GBE1: variants seen among roughly 807,000 people sequenced by gnomAD.
GBE1 encodes the protein 1,4-alpha-glucan-branching enzyme.
A neutral mutation model predicts 88.8 loss-of-function variants in GBE1; 70 were observed. That is an observed-to-expected ratio of 0.79 (90% CI 0.65 to 0.96). The LOEUF (loss-of-function observed/expected upper bound fraction) is 0.96, where lower values mean the gene tolerates loss of function less well. Among genes scored for constraint, GBE1 ranks in the 40% least tolerant of loss-of-function variants. The pLI is 0.00. For missense variants in GBE1, 872 were observed against 871.0 expected (o/e 1.00, Z -0.01); for synonymous variants, 284 against 300.1 (o/e 0.95, Z 0.56).
At chr3:81,518,889 ACTT>A (rs1257396448) in intron 14 of GBE1, among the ~76,000 whole-genome samples, 1 of 151,162 alleles carries the variant, frequency 6.6e-6, no homozygotes, top group Non-Finnish European at 1.5e-5. Context: ...ACTGTGTAGA[ACTT>A]CTGGAGAAAA....
chr3:81,643,072 C>T (rs1055013392), intron 6 of GBE1, 82 bp from the exon 7 acceptor site: 130 of 892,614 alleles, frequency 1.5e-4, no homozygotes, highest in South Asian at 1.0e-3. Flanking sequence ...GTTTCACCAT[C>T]GCAGTACTAG....
intron 11 of GBE1, among the ~76,000 whole-genome samples, chr3:81,579,653 T>C (rs1177426892): frequency 6.6e-6 from 1 of 152,042 alleles, no homozygotes; most frequent in East Asian, 1.9e-4. Flanking sequence ...GGTAAGAGTT[T>C]CCCCCTCCCC....
intron 1 of GBE1, among the ~76,000 whole-genome samples, chr3:81,719,319 C>T (rs1705986757): frequency 6.6e-6 from 1 of 151,988 alleles, no homozygotes; most frequent in Non-Finnish European, 1.5e-5. Flanking sequence ...CTAGCTCAAG[C>T]GATCCTCCCA....
At chr3:81,614,361 A>T (rs981846742) in intron 7 of GBE1, among the ~76,000 whole-genome samples, 1 of 152,194 alleles carries the variant, frequency 6.6e-6, no homozygotes, top group Non-Finnish European at 1.5e-5. Context: ...AAATGTTCTT[A>T]ATTGGCATTG....
chr3:81,551,192 A>T (rs998111766), intron 12 of GBE1, among the ~76,000 whole-genome samples: 1 of 152,200 alleles, frequency 6.6e-6, no homozygotes, highest in Admixed American at 6.5e-5. Flanking sequence ...AGAACTACTT[A>T]AGTGTATCTG....
chr3:81,549,080 G>T (rs1398644378), intron 12 of GBE1, among the ~76,000 whole-genome samples: 1 of 141,356 alleles, frequency 7.1e-6, no homozygotes, highest in African/African-American at 2.6e-5. Flanking sequence ...ACCTAGGCTA[G>T]AGTGCAGTGG....
At chr3:81,612,148 G>C (rs1704189759) in intron 7 of GBE1, 1 of 313,658 alleles carries the variant, frequency 3.2e-6, no homozygotes, top group South Asian at 3.5e-5. Flanking sequence ...TGGTTCATAA[G>C]ACATTTTCTT....
chr3:81,591,242 AGTTT>A, intron 8 of GBE1, 78 bp from the exon 9 acceptor site: 1 of 1,130,084 alleles, frequency 8.8e-7, no homozygotes, highest in Non-Finnish European at 1.2e-6. Context: ...TTCACCAATT[AGTTT>A]GTTTATATGA....
chr3:81,673,475 T>C (rs1408419814), intron 2 of GBE1, among the ~76,000 whole-genome samples: 1 of 151,844 alleles, frequency 6.6e-6, no homozygotes, highest in Non-Finnish European at 1.5e-5. Context: ...CACTAAAAAA[T>C]TTATTAAAAG....
intron 2 of GBE1, among the ~76,000 whole-genome samples, chr3:81,687,717 A>G (rs1705460447): frequency 6.6e-6 from 1 of 151,804 alleles, no homozygotes; most frequent in African/African-American, 2.4e-5. Context: ...AAAAGCAGAG[A>G]AAAAATTAGA....
At chr3:81,541,234 A>G (rs1159724687) in intron 12 of GBE1, among the ~76,000 whole-genome samples, 2 of 151,930 alleles carry the variant, frequency 1.3e-5, no homozygotes, top group African/African-American at 2.4e-5. Flanking sequence ...ATATTAACTC[A>G]TCGCACAATC....
chr3:81,761,573 G>C lies in GBE1; in HGVS notation c.-56C>G. 1 of 1,552,932 alleles carries C rather than the reference G, an allele frequency of 6.4e-7. No homozygotes were observed. Among genetic ancestry groups the C allele is most frequent in the Non-Finnish European group, 8.7e-7 (1 of 1,151,784 alleles). ...GAGAGGTCGAGTGGGGCCTGAGCGGGCGCTGGAGCTCTAGCTGGGACGCGG... is the reference window on the plus strand; with the variant it reads ...GAGAGGTCGAGTGGGGCCTGAGCGGCCGCTGGAGCTCTAGCTGGGACGCGG... On this transcript the variant is annotated 5_prime_UTR_variant, in exon 1 of 16. Coordinates refer to ENST00000429644, the MANE Select transcript of GBE1 (RefSeq NM_000158.4).
intron 12 of GBE1, among the ~76,000 whole-genome samples, chr3:81,554,799 G>A (rs908304265): frequency 2.6e-5 from 4 of 152,072 alleles, no homozygotes; most frequent in East Asian, 1.9e-4. Flanking sequence ...AGGCACAGCC[G>A]GCTGCTACTT....
chr3:81,499,276 T>G (rs1266835059), intron 14 of GBE1, 49 bp from the exon 15 acceptor site: 1 of 1,086,712 alleles, frequency 9.2e-7, no homozygotes, highest in African/African-American at 1.6e-5. Flanking sequence ...AATGAGACAT[T>G]GTAAAATACG....
chr3:81,693,202 T>C (rs1705545262), intron 2 of GBE1, among the ~76,000 whole-genome samples: 1 of 152,132 alleles, frequency 6.6e-6, no homozygotes, highest in Admixed American at 6.5e-5. Flanking sequence ...TCCAACAGTT[T>C]TGGTTTAAAA....
intron 14 of GBE1, among the ~76,000 whole-genome samples, chr3:81,531,089 C>G (rs958997697): frequency 6.6e-6 from 1 of 151,356 alleles, no homozygotes; most frequent in Non-Finnish European, 1.5e-5. Flanking sequence ...AGGAGCCTCT[C>G]TATCCATGGC....
intron 1 of GBE1, among the ~76,000 whole-genome samples, chr3:81,738,124 T>G (rs1276232076): frequency 1.3e-5 from 2 of 151,746 alleles, no homozygotes; most frequent in East Asian, 1.9e-4. Flanking sequence ...GGTGTATATG[T>G]GCCACATTTT....
At chr3:81,506,685 C>T (rs1428564365) in intron 14 of GBE1, among the ~76,000 whole-genome samples, 3 of 152,082 alleles carry the variant, frequency 2.0e-5, no homozygotes, top group African/African-American at 7.2e-5. Flanking sequence ...CCACCAATGA[C>T]AGACTAGATA....
chr3:81,569,212 T>C (rs769132479), intron 12 of GBE1, among the ~76,000 whole-genome samples: 2 of 152,118 alleles, frequency 1.3e-5, no homozygotes, highest in Non-Finnish European at 2.9e-5. Flanking sequence ...ACATTAGCAC[T>C]AATAAGGGTA....
Sources: gnomAD v4.1 joint callset for allele counts (sites outside exome capture counted in the v4.1 genomes callset) on GRCh38, gnomAD v4.1.1 for gene constraint, MANE v1.5 for transcripts, NCBI Gene and HGNC (gene_info 2026-07-23, HGNC 2026-07-21) for gene names.